Variants in AGBL4 observed in about 807,000 individuals in gnomAD.
AGBL4 encodes the protein cytosolic carboxypeptidase 6.
Under a neutral mutation model 66.4 loss-of-function variants are expected in AGBL4, and 58 were observed. The ratio of observed to expected loss-of-function variants is 0.87; its 90% CI spans 0.71 to 1.09. The LOEUF is 1.09. Ranked by LOEUF, AGBL4 falls within the 50% of genes least tolerant of loss-of-function variation. AGBL4 has a pLI of 0.00. For synonymous variants in AGBL4, 234 were observed against 222.9 expected (o/e 1.05, Z -0.44); for missense variants, 579 against 631.0 (o/e 0.92, Z 0.88).
intron 2 of AGBL4, among the ~76,000 whole-genome samples, chr1:49,712,028 G>A (rs1354939704): frequency 1.3e-5 from 2 of 151,894 alleles, no homozygotes; most frequent in East Asian, 1.9e-4. Flanking sequence ...GGGTTATTGT[G>A]AGTATTAAGT....
At chr1:48,754,389 T>C (rs753130576) in intron 6 of AGBL4, among the ~76,000 whole-genome samples, 1 of 152,204 alleles carries the variant, frequency 6.6e-6, no homozygotes, top group Non-Finnish European at 1.5e-5. Context: ...GTCTTGTTCA[T>C]TACGTTATTC....
At chr1:49,162,662 T>A (rs1305358531) in intron 4 of AGBL4, among the ~76,000 whole-genome samples, 1 of 152,076 alleles carries the variant, frequency 6.6e-6, no homozygotes, top group Non-Finnish European at 1.5e-5. Flanking sequence ...AGTAGACAGG[T>A]TTTGGACTTT....
intron 4 of AGBL4, among the ~76,000 whole-genome samples, chr1:49,154,563 A>T (rs1298707759): frequency 6.6e-6 from 1 of 152,162 alleles, no homozygotes; most frequent in African/African-American, 2.4e-5. Flanking sequence ...TCTGTATCAC[A>T]AAAGAAAAAG....
rs1039788295 is a variant in AGBL4 at position 48,732,159 on chromosome 1, C to T, written c.635-68918G>A. ...AGGAGTCAAGGATGAGACCTGGGTG[C>T]CTGGCTGGTGGTACTATTCACCAAG... On this transcript the variant is annotated intron_variant, in intron 6 of 13. Coordinates refer to ENST00000371839, the MANE Select transcript of AGBL4 (RefSeq NM_032785.4). 3.3e-5 allele frequency among the ~76,000 whole-genome samples: 5 copies of T among 151,974 alleles called. No individual in the cohort carries two copies. In the East Asian group the frequency reaches 9.7e-4, roughly 29 times the overall value.
At chr1:49,642,696 G>A (rs1291858060) in intron 3 of AGBL4, among the ~76,000 whole-genome samples, 1 of 151,682 alleles carries the variant, frequency 6.6e-6, no homozygotes, top group African/African-American at 2.4e-5. Context: ...TAATTCACAG[G>A]GTGTTTGACA....
intron 3 of AGBL4, among the ~76,000 whole-genome samples, chr1:49,337,023 A>G (rs1274808540): frequency 6.6e-6 from 1 of 152,220 alleles, no homozygotes; most frequent in East Asian, 1.9e-4. Flanking sequence ...ATTAATATCT[A>G]TCCCATTAGC....
At chr1:48,797,339 T>C (rs1645707858) in intron 6 of AGBL4, among the ~76,000 whole-genome samples, 4 of 152,190 alleles carry the variant, frequency 2.6e-5, no homozygotes, top group Admixed American at 6.5e-5. Context: ...GTGTACACTG[T>C]ACCTAATATG....
chr1:49,104,077 A>G (rs185287992), intron 4 of AGBL4, among the ~76,000 whole-genome samples: 1 of 152,240 alleles, frequency 6.6e-6, no homozygotes, highest in African/African-American at 2.4e-5. Context: ...CCTCCAAACC[A>G]TGGCTCATCC....
chr1:48,720,510 T>A (rs1172750787), intron 6 of AGBL4, among the ~76,000 whole-genome samples: 1 of 152,222 alleles, frequency 6.6e-6, no homozygotes, highest in Non-Finnish European at 1.5e-5. Flanking sequence ...AGCTGTGCCA[T>A]CTTGGGCAAA....
chr1:49,689,228 C>G (rs1646841474), intron 3 of AGBL4, among the ~76,000 whole-genome samples: 1 of 152,102 alleles, frequency 6.6e-6, no homozygotes, highest in Non-Finnish European at 1.5e-5. Flanking sequence ...AATCATTAAT[C>G]TCTTTTAATT....
chr1:49,499,002 T>A (rs1647876670), intron 3 of AGBL4, among the ~76,000 whole-genome samples: 1 of 152,096 alleles, frequency 6.6e-6, no homozygotes, highest in African/African-American at 2.4e-5. Flanking sequence ...TCATCGAGGA[T>A]ATTGGCCTCT....
chr1:49,733,068 C>T (rs1026632025), intron 2 of AGBL4, among the ~76,000 whole-genome samples: 3 of 151,958 alleles, frequency 2.0e-5, no homozygotes, highest in Non-Finnish European at 2.9e-5. Flanking sequence ...ATACAAAGAA[C>T]CCCAATAAGA....
At chr1:49,696,243 C>A (rs1033766212) in intron 3 of AGBL4, among the ~76,000 whole-genome samples, 1 of 152,060 alleles carries the variant, frequency 6.6e-6, no homozygotes, top group Non-Finnish European at 1.5e-5. Flanking sequence ...GGAATAGTAA[C>A]TGATATCTTA....
intron 3 of AGBL4, among the ~76,000 whole-genome samples, chr1:49,429,214 A>G (rs1427101543): frequency 1.2e-4 from 19 of 152,302 alleles, no homozygotes; most frequent in Non-Finnish European, 1.8e-4. Context: ...TACAGTGTCC[A>G]TAACAGCTCA....
chr1:49,402,432 C>T (rs1264321965), intron 3 of AGBL4, among the ~76,000 whole-genome samples: 2 of 152,104 alleles, frequency 1.3e-5, no homozygotes, highest in African/African-American at 4.8e-5. Context: ...TATTCATTGT[C>T]CAGTGCTCAT....
intron 1 of AGBL4, among the ~76,000 whole-genome samples, chr1:49,915,830 C>A (rs992997593): frequency 6.6e-6 from 1 of 152,048 alleles, no homozygotes; most frequent in Non-Finnish European, 1.5e-5. Flanking sequence ...TGGGAGACAC[C>A]CCCTAATAGG....
chr1:49,593,175 A>G (rs1244773491), intron 3 of AGBL4, among the ~76,000 whole-genome samples: 1 of 152,186 alleles, frequency 6.6e-6, no homozygotes, highest in Non-Finnish European at 1.5e-5. Context: ...TTGGGAGGCC[A>G]AGGCGGGTGG....
At chr1:48,667,904 C>G (rs947364969) in intron 6 of AGBL4, among the ~76,000 whole-genome samples, 1 of 152,166 alleles carries the variant, frequency 6.6e-6, no homozygotes, top group African/African-American at 2.4e-5. Context: ...TTCCCCATTC[C>G]TCCAGACAAT....
intron 4 of AGBL4, among the ~76,000 whole-genome samples, chr1:49,100,074 CA>C (rs1312124562): frequency 6.6e-6 from 1 of 152,026 alleles, no homozygotes; most frequent in Non-Finnish European, 1.5e-5. Context: ...CTCCATGAAG[CA>C]AAAACTGAAG....
Sources: allele counts gnomAD v4.1 joint callset (sites outside exome capture counted in the v4.1 genomes callset), GRCh38; gene constraint gnomAD v4.1.1; transcripts MANE v1.5; gene names NCBI Gene and HGNC (gene_info 2026-07-23, HGNC 2026-07-21).